ESRP1: variants seen among roughly 807,000 people sequenced by gnomAD.
ESRP1 encodes the protein epithelial splicing regulatory protein 1.
A neutral mutation model predicts 81.7 loss-of-function variants in ESRP1; 33 were observed. That is an observed-to-expected ratio of 0.40 (90% CI 0.31 to 0.54). The LOEUF (loss-of-function observed/expected upper bound fraction) is 0.54, where lower values mean the gene tolerates loss of function less well. Among genes scored for constraint, ESRP1 ranks in the 20% least tolerant of loss-of-function variants. The pLI is 0.41. For missense variants in ESRP1, 672 were observed against 833.1 expected (o/e 0.81, Z 2.38); for synonymous variants, 320 against 303.3 (o/e 1.06, Z -0.57).
intron 4 of ESRP1, among the ~76,000 whole-genome samples, chr8:94,654,273 G>C (rs536854878): frequency 6.6e-6 from 1 of 152,224 alleles, no homozygotes; most frequent in African/African-American, 2.4e-5. Flanking sequence ...AGTCAAGATC[G>C]CACCATTTTA....
intron 13 of ESRP1, among the ~76,000 whole-genome samples, 191 bp from the exon 14 acceptor site, chr8:94,692,486 A>T (rs1344253641): frequency 6.6e-6 from 1 of 152,124 alleles, no homozygotes; most frequent in Non-Finnish European, 1.5e-5. Context: ...ACTGCCTTTC[A>T]ACTTTTGGCT....
At chr8:94,681,354 C>T (rs1022478191) in intron 13 of ESRP1, among the ~76,000 whole-genome samples, 1 of 83,772 alleles carries the variant, frequency 1.2e-5, no homozygotes, top group Non-Finnish European at 2.3e-5. Context: ...AAAAAAAAAA[C>T]TGGCTTGGCA....
chr8:94,641,239 T>C lies in ESRP1; in HGVS notation c.-80T>C. On this transcript the variant is annotated 5_prime_UTR_variant, in exon 1 of 16. Transcript: ENST00000433389. ...TTTCTTTTTCTCTTAGAAGAGGGTT[T>C]AGCACAGGTTTTTTCGTTCTCACTT... The C allele has an allele frequency of 7.2e-7, 1 of 1,386,782 alleles. No homozygotes were observed. The highest frequency in any genetic ancestry group is 9.9e-7 in the Non-Finnish European group (1 of 1,005,624). The allele number at this position is 1,386,782 out of a possible 1,614,324, so 85.9% of individuals were successfully genotyped here.
At chr8:94,693,528 A>G (rs147196363) in intron 14 of ESRP1, among the ~76,000 whole-genome samples, 3 of 152,240 alleles carry the variant, frequency 2.0e-5, no homozygotes, top group African/African-American at 7.2e-5. Flanking sequence ...CTCAAGTCAC[A>G]TAATTACCTA....
intron 15 of ESRP1, among the ~76,000 whole-genome samples, chr8:94,704,793 A>AAAAC: frequency 1.5e-5 from 2 of 136,410 alleles, no homozygotes; most frequent in Non-Finnish European, 3.1e-5. Flanking sequence ...AAAAAAAAAA[A>AAAAC]CTGCAGTGAG....
intron 13 of ESRP1, among the ~76,000 whole-genome samples, chr8:94,685,503 G>C (rs1809102374): frequency 1.3e-5 from 2 of 152,048 alleles, no homozygotes; most frequent in Non-Finnish European, 2.9e-5. Context: ...GTGAGACCCT[G>C]TCTCAGAAAA....
chr8:94,642,481 C>A (rs1817660714), intron 2 of ESRP1, among the ~76,000 whole-genome samples: 1 of 152,186 alleles, frequency 6.6e-6, no homozygotes, highest in African/African-American at 2.4e-5. Flanking sequence ...GGCGCTGTGG[C>A]GTAGACGTGC....
At chr8:94,688,346 A>G (rs1444259807) in intron 13 of ESRP1, 2 of 250,134 alleles carry the variant, frequency 8.0e-6, no homozygotes, top group Admixed American at 8.5e-5. Flanking sequence ...TTTCTGACTG[A>G]TGATGAAGCA....
chr8:94,681,148 AC>A (rs1442551487), intron 13 of ESRP1, among the ~76,000 whole-genome samples: 1 of 150,698 alleles, frequency 6.6e-6, no homozygotes, highest in Admixed American at 6.6e-5. Flanking sequence ...ACATGGTGAA[AC>A]CCCGTCTCTA....
chr8:94,648,345 T>C (rs936489103), intron 4 of ESRP1, among the ~76,000 whole-genome samples: 1 of 152,268 alleles, frequency 6.6e-6, no homozygotes, highest in African/African-American at 2.4e-5. Context: ...GAAATGCTAA[T>C]AAGCTTTCTT....
rs1290177793 is a variant in ESRP1, at chr8:94,642,031, A to G, written c.208A>G (p.Ile70Val). ...GGAGGACTGCAAAGAAGAAACTAAA[A>G]TAGACGTCGAAAGCCTGTCCTCGGC... is the stretch of plus-strand genomic sequence containing the variant. The part of the protein sequence containing the change: ...LTEDCKEETK[I>V]DVESLSSASQ... Residue 70 changes from isoleucine (I) to valine (V), a missense_variant, in exon 2 of 16, where the codon ATA (isoleucine) becomes GTA (valine). Transcript: ENST00000433389. 4.3e-6 allele frequency: 7 copies of G among 1,613,776 alleles called. No homozygotes were observed. Among genetic ancestry groups the G allele is most frequent in the African/African-American group, 1.3e-5 (1 of 74,954 alleles).
At chr8:94,659,716 AATG>A (rs745921896) in intron 4 of ESRP1, among the ~76,000 whole-genome samples, 2 of 152,240 alleles carry the variant, frequency 1.3e-5, no homozygotes, top group African/African-American at 4.8e-5. Flanking sequence ...TGAATATATG[AATG>A]ATAAGAAAGC....
At chr8:94,667,480 G>A (rs1189466241) in intron 9 of ESRP1, among the ~76,000 whole-genome samples, 4 of 150,314 alleles carry the variant, frequency 2.7e-5, no homozygotes, top group African/African-American at 9.7e-5. Flanking sequence ...GGTTTTCTTG[G>A]GAGCAAAAGA....
intron 4 of ESRP1, among the ~76,000 whole-genome samples, chr8:94,655,122 G>A (rs1279443009): frequency 2.7e-5 from 4 of 149,862 alleles, no homozygotes; most frequent in African/African-American, 9.8e-5. Flanking sequence ...TTTTGATACG[G>A]CGTCTCACCC....
At chr8:94,651,217 T>C (rs912988796) in intron 4 of ESRP1, among the ~76,000 whole-genome samples, 3 of 149,834 alleles carry the variant, frequency 2.0e-5, no homozygotes, top group Non-Finnish European at 4.4e-5. Context: ...TTATGGAAGA[T>C]GAAAGAAAAT....
At chr8:94,673,929 C>T (rs1422006819) in intron 11 of ESRP1, among the ~76,000 whole-genome samples, 1 of 152,118 alleles carries the variant, frequency 6.6e-6, no homozygotes, top group Non-Finnish European at 1.5e-5. Flanking sequence ...GGTTCTGTTA[C>T]TAGCTTTTCT....
Position 94,662,378 on chromosome 8 carries a change from T to C in ESRP1, c.589+8T>C. Reference sequence around the variant, plus strand: ...TGATTTCAGAGCCTTATAGTAAGTATTGCTTTTATAGTAGTGCAGTCCCAG... The same window carrying C: ...TGATTTCAGAGCCTTATAGTAAGTACTGCTTTTATAGTAGTGCAGTCCCAG... On this transcript the variant is annotated splice_region_variant and intron_variant, in intron 5 of 15. Transcript: ENST00000433389. The C allele has an allele frequency of 6.4e-7, 1 of 1,560,058 alleles. No homozygotes were observed. Among genetic ancestry groups the C allele is most frequent in the Non-Finnish European group, 8.7e-7 (1 of 1,147,064 alleles).
chr8:94,652,631 T>C lies in ESRP1; in HGVS notation c.490+6349T>C, dbSNP rs182832082. Among the ~76,000 whole-genome samples, 18 of 152,350 alleles carry C rather than the reference T, an allele frequency of 1.2e-4. 1 individual carries two copies. The highest frequency in any genetic ancestry group is 1.0e-3 in the Admixed American group (16 of 15,304). ...ATGTTGGATGGAATTACTTCCTGAT[T>C]TCTTAACCTGCTTTTTGTTAGCTGT... is the stretch of plus-strand genomic sequence containing the variant. On this transcript the variant is annotated intron_variant, in intron 4 of 15. Transcript: ENST00000433389.
chr8:94,667,442 A>C (rs1211234843), intron 9 of ESRP1, among the ~76,000 whole-genome samples: 1 of 151,724 alleles, frequency 6.6e-6, no homozygotes, highest in African/African-American at 2.4e-5. Flanking sequence ...AATTAAAAAA[A>C]AAAAAGGTAA....
Sources: allele counts gnomAD v4.1 joint callset (sites outside exome capture counted in the v4.1 genomes callset), GRCh38; gene constraint gnomAD v4.1.1; transcripts MANE v1.5; gene names NCBI Gene and HGNC (gene_info 2026-07-23, HGNC 2026-07-21).